PIK3C2A: variants seen among roughly 807,000 people sequenced by gnomAD.
The protein encoded by PIK3C2A is phosphatidylinositol-4-phosphate 3-kinase catalytic subunit type 2 alpha, also known as phosphatidylinositol 4-phosphate 3-kinase C2 domain-containing subunit alpha.
A neutral mutation model predicts 204.5 loss-of-function variants in PIK3C2A; 97 were observed. The observed-to-expected ratio is 0.47, with a 90% CI of 0.40 to 0.56. The LOEUF is 0.56. Ranked by LOEUF, PIK3C2A falls within the 20% of genes least tolerant of loss-of-function variation. The pLI, the probability that PIK3C2A is intolerant of heterozygous loss-of-function variation, is 0.00. For synonymous variants in PIK3C2A, 653 were observed against 664.4 expected (o/e 0.98, Z 0.26); for missense variants, 1,735 against 1,969.2 (o/e 0.88, Z 2.25).
At chr11:17,107,008 T>TGG (rs1848843214) in intron 22 of PIK3C2A, among the ~76,000 whole-genome samples, 11 of 152,206 alleles carry the variant, frequency 7.2e-5, no homozygotes, top group Admixed American at 5.2e-4. Context: ...TTGTTTTCTC[T>TGG]CTGACTCCTT....
At chr11:17,130,276 G>C (rs991405637) in intron 12 of PIK3C2A, among the ~76,000 whole-genome samples, 3 of 151,800 alleles carry the variant, frequency 2.0e-5, no homozygotes, top group African/African-American at 7.3e-5. Flanking sequence ...ATTTTTTTAA[G>C]TCTGAAAGAA....
rs369033982 is a variant in PIK3C2A at position 17,135,072 on chromosome 11, C to T, written c.1897+39G>A. 8.5e-5 allele frequency: 137 copies of T among 1,611,756 alleles called. No homozygotes were observed. The South Asian group carries it at 1.0e-3, about 12-fold the overall frequency. ...AAAGTTAATAGATTCTCTGAAAAGG[C>T]GATGATTATTGCTAAAATTTAAAGA... is the stretch of plus-strand genomic sequence containing the variant. On this transcript the variant is annotated intron_variant, in intron 10 of 32. Transcript: ENST00000691414.
chr11:17,150,034 A>G (rs975071911), intron 4 of PIK3C2A, among the ~76,000 whole-genome samples: 2 of 152,054 alleles, frequency 1.3e-5, no homozygotes, highest in Non-Finnish European at 2.9e-5. Context: ...TTAAAACTAT[A>G]AAAAAAATTT....
At chr11:17,115,090 C>T (rs1212372388) in intron 19 of PIK3C2A, among the ~76,000 whole-genome samples, 2 of 152,096 alleles carry the variant, frequency 1.3e-5, no homozygotes, top group Non-Finnish European at 2.9e-5. Context: ...AAAATTCCAA[C>T]TGCCTTTTTG....
intron 1 of PIK3C2A, among the ~76,000 whole-genome samples, chr11:17,175,094 A>G (rs967166856): frequency 1.3e-5 from 2 of 152,202 alleles, no homozygotes; most frequent in Non-Finnish European, 2.9e-5. Flanking sequence ...TTAGTTTACA[A>G]TAATTTATTC....
chr11:17,198,296 G>C (rs1357610659), intron 1 of PIK3C2A, among the ~76,000 whole-genome samples: 1 of 151,938 alleles, frequency 6.6e-6, no homozygotes, highest in Non-Finnish European at 1.5e-5. Context: ...TTTTAGTAGA[G>C]ACAGGGTTTC....
At chr11:17,110,381 G>T in intron 22 of PIK3C2A, 51 bp downstream of exon 22, 2 of 1,460,516 alleles carry the variant, frequency 1.4e-6, no homozygotes, top group African/African-American at 1.4e-5. Context: ...TACACTTTAA[G>T]CTAAGTTCAA....
intron 1 of PIK3C2A, among the ~76,000 whole-genome samples, chr11:17,170,814 A>C (rs970218902): frequency 3.3e-5 from 5 of 152,158 alleles, no homozygotes; most frequent in Non-Finnish European, 5.9e-5. Context: ...TTAAGAAGGT[A>C]TATGACTGGC....
intron 9 of PIK3C2A, 109 bp from the exon 10 acceptor site, chr11:17,135,268 C>T: frequency 1.0e-6 from 1 of 973,678 alleles, no homozygotes; most frequent in Non-Finnish European, 1.6e-6. Context: ...TCCCAAGTAT[C>T]TACAGAATTA....
chr11:17,188,029 A>G (rs779343674), intron 1 of PIK3C2A, among the ~76,000 whole-genome samples: 1 of 152,112 alleles, frequency 6.6e-6, no homozygotes, highest in Non-Finnish European at 1.5e-5. Context: ...ATATCTCAAA[A>G]TAAAGATGAT....
In PIK3C2A at chr11:17,169,460, CT is replaced by C. The variant is rs763210018; in HGVS notation, c.281del (p.Lys94SerfsTer30). 1 of 1,614,074 alleles carries C rather than the reference CT, an allele frequency of 6.2e-7. No individual in the cohort carries two copies. ...GTTTCTCAAGTTCAGCTTGGGTGAG[CT>C]TTTCTACATCAATATCTAATGCTCT... ...QKRALDIDVEKLTQAELEKLL... is the reference protein window; with the variant it reads ...QKRALDIDVEXLTQAELEKLL... On this transcript the variant is annotated frameshift_variant, in exon 2 of 33. Transcript: ENST00000691414. LOFTEE classifies it high-confidence loss of function.
intron 19 of PIK3C2A, chr11:17,115,813 A>AG (rs1849165695): frequency 1.3e-5 from 2 of 152,198 alleles, no homozygotes; most frequent in Non-Finnish European, 2.9e-5. Flanking sequence ...AAGAGGAAGG[A>AG]GGGGGTCTCT....
chr11:17,154,999 A>G (rs558105389), intron 3 of PIK3C2A, among the ~76,000 whole-genome samples: 151 of 152,352 alleles, frequency 9.9e-4, no homozygotes, highest in African/African-American at 3.5e-3. Flanking sequence ...ATTACTGACT[A>G]GCCAAGTAAA....
At chr11:17,183,799 G>A (rs1851650734) in intron 1 of PIK3C2A, among the ~76,000 whole-genome samples, 1 of 151,906 alleles carries the variant, frequency 6.6e-6, no homozygotes, top group Non-Finnish European at 1.5e-5. Flanking sequence ...ATGACAGTGG[G>A]CCCTCAGGAT....
chr11:17,100,406 G>C (rs968848975), intron 25 of PIK3C2A, among the ~76,000 whole-genome samples: 5 of 151,766 alleles, frequency 3.3e-5, no homozygotes, highest in Non-Finnish European at 5.9e-5. Flanking sequence ...ATTTTTGATA[G>C]AGATGGGGTT....
chr11:17,204,617 G>T (rs1353936535), intron 1 of PIK3C2A, among the ~76,000 whole-genome samples: 1 of 152,088 alleles, frequency 6.6e-6, no homozygotes, highest in Non-Finnish European at 1.5e-5. Context: ...TAATTATACT[G>T]TTATAAAATG....
At chr11:17,173,363 T>G (rs1434246386) in intron 1 of PIK3C2A, among the ~76,000 whole-genome samples, 1 of 152,162 alleles carries the variant, frequency 6.6e-6, no homozygotes, top group Non-Finnish European at 1.5e-5. Flanking sequence ...CTGAAACTAT[T>G]TGGAAAGAAA....
intron 11 of PIK3C2A, among the ~76,000 whole-genome samples, chr11:17,133,011 A>G (rs1010749609): frequency 9.9e-5 from 15 of 152,214 alleles, no homozygotes; most frequent in African/African-American, 3.4e-4. Context: ...CTTACATGTT[A>G]ACCACTCTGT....
chr11:17,102,360 C>A (rs974919381), intron 24 of PIK3C2A, among the ~76,000 whole-genome samples: 13 of 152,256 alleles, frequency 8.5e-5, no homozygotes, highest in Admixed American at 7.8e-4. Flanking sequence ...TGGCGTGAAC[C>A]CGGGAGGCGG....
Sources: allele counts gnomAD v4.1 joint callset (sites outside exome capture counted in the v4.1 genomes callset), GRCh38; gene constraint gnomAD v4.1.1; transcripts MANE v1.5; gene names NCBI Gene and HGNC (gene_info 2026-07-23, HGNC 2026-07-21).